TMEM232: variants seen among roughly 807,000 people sequenced by gnomAD.
TMEM232 encodes the protein transmembrane protein 232.
TMEM232 carries 80 observed loss-of-function variants against 78.8 expected under a neutral mutation model. The ratio of observed to expected loss-of-function variants is 1.01; its 90% confidence interval spans 0.85 to 1.22. The LOEUF is 1.22. Ranked by LOEUF, TMEM232 falls within the 50% of genes most tolerant of loss-of-function variation. TMEM232 has a pLI of 0.00. For missense variants in TMEM232, 881 were observed against 742.2 expected (o/e 1.19, Z -2.17); for synonymous variants, 297 against 254.3 (o/e 1.17, Z -1.60).
At chr5:110,397,661 A>T in intron 3 of TMEM232, 1 of 152,370 alleles carries the variant, frequency 6.6e-6, no homozygotes, top group East Asian at 2.0e-4. Context: ...CAATTTGTTC[A>T]CTATGTGTTA....
chr5:110,643,057 G>T (rs2150025101), intron 2 of TMEM232, among the ~76,000 whole-genome samples: 1 of 152,092 alleles, frequency 6.6e-6, no homozygotes, highest in South Asian at 2.1e-4. Flanking sequence ...TATAAATAAG[G>T]AGAAGAGTTT....
intron 12 of TMEM232, among the ~76,000 whole-genome samples, chr5:110,469,643 C>T (rs1202682314): frequency 1.3e-5 from 2 of 152,294 alleles, no homozygotes; most frequent in East Asian, 3.9e-4. Context: ...ACCCTGTTCC[C>T]GTGTCAGCAC....
At chr5:110,407,661 A>G (rs950748434) in intron 2 of TMEM232, among the ~76,000 whole-genome samples, 2 of 152,194 alleles carry the variant, frequency 1.3e-5, no homozygotes, top group African/African-American at 2.4e-5. Context: ...TAAACTACAC[A>G]TTAGATCTAA....
chr5:110,470,684 A>G (rs891078302), intron 12 of TMEM232, among the ~76,000 whole-genome samples: 16 of 152,328 alleles, frequency 1.1e-4, no homozygotes, highest in African/African-American at 3.6e-4. Flanking sequence ...ACTTAGAACC[A>G]GAGTCAGCAC....
At chr5:110,612,710 G>A (rs1782462529) in intron 8 of TMEM232, among the ~76,000 whole-genome samples, 1 of 152,098 alleles carries the variant, frequency 6.6e-6, no homozygotes, top group Non-Finnish European at 1.5e-5. Context: ...ATACACTTAT[G>A]GAGCATATTA....
intron 12 of TMEM232, among the ~76,000 whole-genome samples, chr5:110,435,653 C>T (rs902330996): frequency 2.9e-4 from 44 of 151,940 alleles, no homozygotes; most frequent in South Asian, 1.2e-3. Context: ...TTCTTTATCT[C>T]CATGGGTTCA....
At chr5:110,713,207 G>A (rs1047067151) in intron 1 of TMEM232, among the ~76,000 whole-genome samples, 5 of 151,998 alleles carry the variant, frequency 3.3e-5, no homozygotes, top group South Asian at 2.1e-4. Flanking sequence ...CAAAACAGTT[G>A]AACTCATGGA....
intron 12 of TMEM232, among the ~76,000 whole-genome samples, chr5:110,495,760 T>G (rs1765574294): frequency 6.6e-6 from 1 of 151,754 alleles, no homozygotes; most frequent in African/African-American, 2.4e-5. Context: ...TGTCATTAAC[T>G]TAATGTCACA....
intron 2 of TMEM232, among the ~76,000 whole-genome samples, chr5:110,656,981 T>C (rs527343232): frequency 6.6e-6 from 1 of 152,358 alleles, no homozygotes; most frequent in African/African-American, 2.4e-5. Flanking sequence ...GATGTTTCAA[T>C]GCATGTGTTC....
chr5:110,414,307 C>G (rs1247332155), intron 2 of TMEM232, among the ~76,000 whole-genome samples: 1 of 152,112 alleles, frequency 6.6e-6, no homozygotes, highest in South Asian at 2.1e-4. Flanking sequence ...CTGTCCTGTT[C>G]ATTGATTCAT....
At chr5:110,661,789 C>T (rs1038350123) in intron 2 of TMEM232, among the ~76,000 whole-genome samples, 12 of 152,218 alleles carry the variant, frequency 7.9e-5, no homozygotes, top group Non-Finnish European at 1.5e-4. Context: ...ATTCCTCTTT[C>T]TCCACATCCT....
Position 110,606,188 on chromosome 5 carries a change from T to C in TMEM232, c.1002A>G (p.Ser334=). 2.6e-6 allele frequency: 4 copies of C among 1,548,062 alleles called. No individual in the cohort carries two copies. Among genetic ancestry groups the C allele is most frequent in the Non-Finnish European group, 3.5e-6 (4 of 1,144,554 alleles). ...ALMDVVRDFV[S]SIMSVQNQEE... is the part of the protein sequence containing the mutation. ...CCTGATTTTGAACAGACATAATGCT[T>C]GAAACAAAATCTCTCACTACGTCCA... The change falls in exon 9 of 14, where the codon TCA becomes TCG. Residue 334 remains serine (S), a synonymous_variant. Coordinates refer to ENST00000455884, the MANE Select transcript of TMEM232 (RefSeq NM_001039763.4).
chr5:110,426,526 A>G (rs1452334109), intron 12 of TMEM232, among the ~76,000 whole-genome samples: 1 of 152,060 alleles, frequency 6.6e-6, no homozygotes, highest in Non-Finnish European at 1.5e-5. Flanking sequence ...AGTATCCAGT[A>G]TTGCAAATGG....
At chr5:110,720,304 A>G (rs1410125789) in intron 1 of TMEM232, among the ~76,000 whole-genome samples, 1 of 152,118 alleles carries the variant, frequency 6.6e-6, no homozygotes, top group Admixed American at 6.6e-5. Flanking sequence ...TGAACCTAAT[A>G]TAAAGCCTCT....
intron 10 of TMEM232, among the ~76,000 whole-genome samples, chr5:110,571,061 T>A (rs1776884445): frequency 6.6e-6 from 1 of 152,034 alleles, no homozygotes. Context: ...TACACCTGGC[T>A]TCTATCGAGA....
intron 12 of TMEM232, among the ~76,000 whole-genome samples, chr5:110,493,588 T>C (rs902928547): frequency 3.9e-5 from 6 of 152,024 alleles, no homozygotes; most frequent in Non-Finnish European, 1.5e-5. Flanking sequence ...GAATGAACAA[T>C]TGTCAATAAA....
intron 2 of TMEM232, among the ~76,000 whole-genome samples, chr5:110,411,402 T>C (rs1313576476): frequency 6.6e-6 from 1 of 152,204 alleles, no homozygotes; most frequent in Non-Finnish European, 1.5e-5. Context: ...TTCTCCTTTT[T>C]GATAGGATAT....
chr5:110,539,341 T>C (rs1363826957), intron 11 of TMEM232, among the ~76,000 whole-genome samples: 2 of 152,150 alleles, frequency 1.3e-5, no homozygotes, highest in East Asian at 3.9e-4. Context: ...ATCTTACCCA[T>C]TCTAAAGCCT....
intron 11 of TMEM232, among the ~76,000 whole-genome samples, chr5:110,561,919 T>A (rs1204466638): frequency 6.6e-6 from 1 of 152,102 alleles, no homozygotes; most frequent in Non-Finnish European, 1.5e-5. Context: ...TAAATATTTT[T>A]AAAATATCTC....
Sources: gnomAD v4.1 joint callset for allele counts (sites outside exome capture counted in the v4.1 genomes callset) on GRCh38, gnomAD v4.1.1 for gene constraint, MANE v1.5 for transcripts, NCBI Gene and HGNC (gene_info 2026-07-23, HGNC 2026-07-21) for gene names.